The following NMNAT3 variants were observed in gnomAD, a reference collection of about 807,000 sequenced individuals.
NMNAT3 encodes the protein nicotinamide/nicotinic acid mononucleotide adenylyltransferase 3.
NMNAT3 carries 21 observed loss-of-function variants against 24.8 expected under a neutral mutation model. The ratio of observed to expected loss-of-function variants is 0.85; its 90% CI spans 0.60 to 1.22. The LOEUF (loss-of-function observed/expected upper bound fraction) is 1.22. Ranked by LOEUF, NMNAT3 falls within the 50% of genes most tolerant of loss-of-function variation. The pLI, the probability that NMNAT3 is intolerant of heterozygous loss-of-function variation, is 0.00. For synonymous variants in NMNAT3, 136 were observed against 155.2 expected (o/e 0.88, Z 0.92); for missense variants, 387 against 436.6 (o/e 0.89, Z 1.01).
At chr3:139,577,121 A>G (rs1559866196) in intron 5 of NMNAT3, among the ~76,000 whole-genome samples, 2 of 133,706 alleles carry the variant, frequency 1.5e-5, no homozygotes, top group Non-Finnish European at 3.3e-5. Context: ...TTGAGACCCT[A>G]TCTCAAAAAA....
intron 3 of NMNAT3, among the ~76,000 whole-genome samples, chr3:139,621,768 G>A (rs1021701883): frequency 6.6e-6 from 1 of 151,984 alleles, no homozygotes; most frequent in Non-Finnish European, 1.5e-5. Context: ...CCCAGTCTCC[G>A]TTAACTATCT....
At chr3:139,591,471 C>G (rs936460204) in intron 3 of NMNAT3, among the ~76,000 whole-genome samples, 40 of 152,164 alleles carry the variant, frequency 2.6e-4, no homozygotes, top group Non-Finnish European at 5.0e-4. Flanking sequence ...CCCACCACAG[C>G]TCAAGGAGGC....
chr3:139,652,572 G>A (rs2057091079), intron 1 of NMNAT3, among the ~76,000 whole-genome samples: 2 of 152,144 alleles, frequency 1.3e-5, no homozygotes, highest in Non-Finnish European at 1.5e-5. Flanking sequence ...ATGAGCAAGA[G>A]CAGCCTATGG....
At position 139,638,014 on chromosome 3, in the gene NMNAT3, C is replaced by T. The variant is rs533645966; in HGVS notation, c.-92G>A. On this transcript the variant is annotated 5_prime_UTR_variant, in exon 2 of 7. An upstream open reading frame in the 5' UTR gains an earlier in-frame stop. Coordinates refer to ENST00000643695, the MANE Select transcript of NMNAT3 (RefSeq NM_001320510.2). ...GTGAAAAGCAGATCAGAGTGGGAGC[C>T]AGGGAGCAGCAGTCCGCTTCATGGC... is the stretch of plus-strand genomic sequence containing the variant. 2 of 152,234 alleles carry T rather than the reference C, an allele frequency of 1.3e-5. No individual in the cohort carries two copies. Among genetic ancestry groups the T allele is most frequent in the South Asian group, 4.2e-4 (2 of 4,814 alleles). 9.4% of individuals were successfully genotyped at this position (152,234 alleles called of 1,614,324 possible).
intron 3 of NMNAT3, among the ~76,000 whole-genome samples, chr3:139,585,843 C>T (rs1017731887): frequency 2.0e-5 from 3 of 152,204 alleles, no homozygotes; most frequent in Non-Finnish European, 2.9e-5. Flanking sequence ...GAATTAAGAT[C>T]TAGTTTACCT....
intron 1 of NMNAT3, among the ~76,000 whole-genome samples, chr3:139,644,135 C>A (rs898942535): frequency 4.6e-5 from 7 of 152,190 alleles, no homozygotes; most frequent in Non-Finnish European, 1.5e-5. Flanking sequence ...CCAACAAATA[C>A]CCTTTTTATC....
intron 2 of NMNAT3, 47 bp from the exon 4 acceptor site, chr3:139,627,811 A>G (rs1006015013): frequency 3.8e-5 from 25 of 665,852 alleles, no homozygotes; most frequent in South Asian, 6.2e-5. Flanking sequence ...CACTGAGACA[A>G]TTATCCAGAT....
chr3:139,596,043 T>C (rs1279438863), intron 3 of NMNAT3, among the ~76,000 whole-genome samples: 1 of 152,110 alleles, frequency 6.6e-6, no homozygotes, highest in African/African-American at 2.4e-5. Context: ...AATTTTATAT[T>C]CTTAAATGGA....
chr3:139,639,945 C>T, intron 1 of NMNAT3, among the ~76,000 whole-genome samples: 1 of 152,120 alleles, frequency 6.6e-6, no homozygotes, highest in East Asian at 1.9e-4. Flanking sequence ...ACACTCCTTC[C>T]ATATATAATA....
intron 3 of NMNAT3, among the ~76,000 whole-genome samples, chr3:139,594,712 C>T (rs561709355): frequency 2.6e-5 from 4 of 152,108 alleles, no homozygotes; most frequent in Non-Finnish European, 5.9e-5. Flanking sequence ...AGACAAAAAC[C>T]ACATGATTAT....
intron 3 of NMNAT3, among the ~76,000 whole-genome samples, chr3:139,609,508 T>C (rs1194949126): frequency 6.6e-6 from 1 of 152,258 alleles, no homozygotes; most frequent in Non-Finnish European, 1.5e-5. Flanking sequence ...TATTTTCTCA[T>C]GTGCTTATCC....
intron 1 of NMNAT3, among the ~76,000 whole-genome samples, chr3:139,658,210 G>A (rs2057307761): frequency 6.6e-6 from 1 of 152,056 alleles, no homozygotes; most frequent in South Asian, 2.1e-4. Flanking sequence ...TCACTGCCCA[G>A]CTAACCCACC....
At chr3:139,649,473 A>C (rs1038787489) in intron 1 of NMNAT3, among the ~76,000 whole-genome samples, 4 of 152,184 alleles carry the variant, frequency 2.6e-5, no homozygotes, top group Non-Finnish European at 4.4e-5. Context: ...CTTCTACAAG[A>C]GTGGGGCAAA....
At chr3:139,609,344 T>A (rs1430393437) in intron 3 of NMNAT3, among the ~76,000 whole-genome samples, 2 of 152,216 alleles carry the variant, frequency 1.3e-5, no homozygotes, top group Non-Finnish European at 2.9e-5. Flanking sequence ...CCATTTTAAA[T>A]TCCCTCCAGC....
At chr3:139,582,171 A>G (rs58144263) in intron 4 of NMNAT3, among the ~76,000 whole-genome samples, 12,312 of 144,282 alleles carry the variant, frequency 0.085, 576 homozygotes, top group Middle Eastern at 0.12. Flanking sequence ...AGCCTAGGCA[A>G]CAGAGCAAGA....
intron 4 of NMNAT3, chr3:139,582,822 AG>A: frequency 1.7e-6 from 1 of 587,648 alleles, no homozygotes; most frequent in Non-Finnish European, 2.7e-6. Context: ...CAAAATATAT[AG>A]GTATTCAATG....
chr3:139,632,765 G>A (rs2056349431), intron 2 of NMNAT3, among the ~76,000 whole-genome samples: 1 of 152,186 alleles, frequency 6.6e-6, no homozygotes, highest in Non-Finnish European at 1.5e-5. Flanking sequence ...AGGGCTCAGG[G>A]CTTAACACCT....
At chr3:139,575,791 C>T (rs1297795024) in intron 5 of NMNAT3, 5 of 1,183,536 alleles carry the variant, frequency 4.2e-6, no homozygotes, top group Non-Finnish European at 2.1e-6. Flanking sequence ...TTCTTGGTGT[C>T]CTCAGCAGTC....
chr3:139,645,552 C>T (rs72975811), intron 1 of NMNAT3, among the ~76,000 whole-genome samples: 3,675 of 152,154 alleles, frequency 0.024, 138 homozygotes, highest in African/African-American at 0.082. Context: ...ATCTCATGGT[C>T]GCATGACCGC....
Sources: gnomAD v4.1 joint callset for allele counts (sites outside exome capture counted in the v4.1 genomes callset) on GRCh38, gnomAD v4.1.1 for gene constraint, MANE v1.5 for transcripts, NCBI Gene and HGNC (gene_info 2026-07-23, HGNC 2026-07-21) for gene names.